NXPE2: variants seen among roughly 807,000 people sequenced by gnomAD.
NXPE2 encodes NXPE family member 2.
A neutral mutation model predicts 34.4 loss-of-function variants in NXPE2; 34 were observed. That is an observed-to-expected ratio of 0.99 (90% CI 0.75 to 1.31). NXPE2 has a LOEUF of 1.31. Ranked by LOEUF, NXPE2 falls within the 40% of genes most tolerant of loss-of-function variation. The probability of loss-of-function intolerance (pLI) is 0.00; values close to 1 mark genes in which losing one functional copy is unlikely to be tolerated. For missense variants in NXPE2, 649 were observed against 672.5 expected (o/e 0.97, Z 0.39); for synonymous variants, 235 against 231.3 (o/e 1.02, Z -0.15).
At chr11:114,688,975 T>C (rs1431349331) in intron 2 of NXPE2, among the ~76,000 whole-genome samples, 2 of 152,074 alleles carry the variant, frequency 1.3e-5, no homozygotes, top group Non-Finnish European at 2.9e-5. Context: ...TATTTGGATA[T>C]TATTTTCTCC....
chr11:114,728,294 A>G, the NXPE2 span, among the ~76,000 whole-genome samples: 3 of 152,014 alleles, frequency 2.0e-5, no homozygotes, highest in East Asian at 5.8e-4. Flanking sequence ...TAGCATATTT[A>G]CAGATCTGGG....
chr11:114,732,289 T>A, the NXPE2 span, among the ~76,000 whole-genome samples: 1 of 152,236 alleles, frequency 6.6e-6, no homozygotes, highest in African/African-American at 2.4e-5. Flanking sequence ...ATAGTTTTTG[T>A]CTTTCCAATA....
chr11:114,523,025 A>G, the NXPE2 span: 1 of 1,613,672 alleles, frequency 6.2e-7, no homozygotes, highest in Non-Finnish European at 8.5e-7. Flanking sequence ...TTTTCCTTGT[A>G]AAGTATAACC....
the NXPE2 span, among the ~76,000 whole-genome samples, chr11:114,536,191 A>C: frequency 6.6e-6 from 1 of 152,240 alleles, no homozygotes; most frequent in African/African-American, 2.4e-5. Context: ...TACTGGGTAC[A>C]TAATGAAATG....
the NXPE2 span, among the ~76,000 whole-genome samples, chr11:114,601,307 T>C: frequency 1.3e-5 from 2 of 149,826 alleles, no homozygotes; most frequent in African/African-American, 4.9e-5. Flanking sequence ...TGGGTACTCA[T>C]AGCTTAAATC....
chr11:114,642,007 C>T, the NXPE2 span, among the ~76,000 whole-genome samples: 1 of 151,706 alleles, frequency 6.6e-6, no homozygotes, highest in Non-Finnish European at 1.5e-5. Context: ...TTTTAAAAAC[C>T]CAAATAAAAA....
At chr11:114,521,912 C>A in the NXPE2 span, 1 of 1,279,392 alleles carries the variant, frequency 7.8e-7, no homozygotes, top group Admixed American at 2.0e-5. Flanking sequence ...CTTTACAATA[C>A]ATGTGGGATT....
chr11:114,531,575 TG>T, the NXPE2 span, among the ~76,000 whole-genome samples: 4 of 152,188 alleles, frequency 2.6e-5, no homozygotes, highest in Non-Finnish European at 5.9e-5. Context: ...TTGTAATTCT[TG>T]GGTAAAATCC....
chr11:114,626,372 A>AC, the NXPE2 span, among the ~76,000 whole-genome samples: 1 of 152,024 alleles, frequency 6.6e-6, no homozygotes. Flanking sequence ...CTGACCCCTG[A>AC]CCCCCGAGCA....
chr11:114,706,732 G>C lies in NXPE2; in HGVS notation c.1482G>C (p.Glu494Asp). The C allele has an allele frequency of 1.9e-6, 3 of 1,552,350 alleles. No homozygotes were observed. The highest frequency in any genetic ancestry group is 8.7e-7 in the Non-Finnish European group (1 of 1,147,080). ...TACTTAAAACTGAAAACACCAGAGA[G>C]ATAGAACAAAATGCAGAGATGTTCA... ...KVILKTENTREIEQNAEMFSD... is the reference protein window; with the variant it reads ...KVILKTENTRDIEQNAEMFSD... The change falls in exon 6 of 6, where the codon GAG becomes GAC. Residue 494 changes from glutamate to aspartate, a missense_variant. Transcript: ENST00000389586.
At chr11:114,789,336 T>C in the NXPE2 span, among the ~76,000 whole-genome samples, 110 of 152,312 alleles carry the variant, frequency 7.2e-4, no homozygotes, top group African/African-American at 2.3e-3. Flanking sequence ...TAAAAAGATA[T>C]ATAAAGCACA....
chr11:114,487,352 C>G, the NXPE2 span, among the ~76,000 whole-genome samples: 1 of 152,068 alleles, frequency 6.6e-6, no homozygotes, highest in Non-Finnish European at 1.5e-5. Flanking sequence ...TTGTATCCTG[C>G]AAGTTTACTG....
intron 2 of NXPE2, among the ~76,000 whole-genome samples, chr11:114,687,294 T>G (rs2135542383): frequency 6.6e-6 from 1 of 152,092 alleles, no homozygotes; most frequent in East Asian, 1.9e-4. Context: ...TTTCTATATG[T>G]TAAGAGGCGG....
chr11:114,792,163 C>A, the NXPE2 span, among the ~76,000 whole-genome samples: 8 of 152,336 alleles, frequency 5.3e-5, no homozygotes, highest in Admixed American at 1.3e-4. Flanking sequence ...GCCCCCTCCC[C>A]ATAGGGGTGC....
chr11:114,639,205 T>G, the NXPE2 span, among the ~76,000 whole-genome samples: 7 of 151,512 alleles, frequency 4.6e-5, no homozygotes, highest in East Asian at 1.9e-4. Context: ...CTGCCGCCTT[T>G]CAGTTTGATC....
At chr11:114,779,573 A>C in the NXPE2 span, among the ~76,000 whole-genome samples, 146,363 of 152,202 alleles carry the variant, frequency 0.96, 70,646 homozygotes, top group Middle Eastern at 1. Flanking sequence ...TGTTGCGGGG[A>C]CTTCTGCTCT....
chr11:114,805,919 G>A, the NXPE2 span, among the ~76,000 whole-genome samples: 10 of 152,308 alleles, frequency 6.6e-5, no homozygotes, highest in South Asian at 2.1e-4. Context: ...CCTGACCCCC[G>A]AGTAGCATAA....
chr11:114,640,045 T>A, the NXPE2 span, among the ~76,000 whole-genome samples: 1 of 118,202 alleles, frequency 8.5e-6, no homozygotes, highest in Non-Finnish European at 1.6e-5. Flanking sequence ...TATATTATTT[T>A]ATAATATATA....
chr11:114,727,690 C>G, the NXPE2 span, among the ~76,000 whole-genome samples: 2 of 151,312 alleles, frequency 1.3e-5, no homozygotes, highest in Non-Finnish European at 3.0e-5. Flanking sequence ...TTTGATATTT[C>G]TATTTCAGAA....
Sources: allele counts gnomAD v4.1 joint callset (sites outside exome capture counted in the v4.1 genomes callset), GRCh38; gene constraint gnomAD v4.1.1; transcripts MANE v1.5; gene names NCBI Gene and HGNC (gene_info 2026-07-23, HGNC 2026-07-21).